Variants in TNKS observed in about 807,000 individuals in gnomAD.
TNKS encodes the protein poly [ADP-ribose] polymerase tankyrase-1.
TNKS carries 72 observed loss-of-function variants against 135.8 expected under a neutral mutation model. That is an observed-to-expected ratio of 0.53 (90% CI 0.44 to 0.64). TNKS has a LOEUF of 0.64. Ranked by LOEUF, TNKS falls within the 30% of genes least tolerant of loss-of-function variation. The pLI is 0.00. For synonymous variants in TNKS, 849 were observed against 649.3 expected (o/e 1.31, Z -4.68); for missense variants, 1,769 against 1,674.0 (o/e 1.06, Z -0.99).
At chr8:9,698,600 A>C (rs1803642740) in intron 5 of TNKS, among the ~76,000 whole-genome samples, 1 of 152,156 alleles carries the variant, frequency 6.6e-6, no homozygotes. Context: ...ACAAATACCT[A>C]GTAAAATTTC....
chr8:9,713,595 C>G (rs909972898), intron 11 of TNKS, among the ~76,000 whole-genome samples: 2 of 152,162 alleles, frequency 1.3e-5, no homozygotes, highest in African/African-American at 2.4e-5. Flanking sequence ...TCATCCTAGT[C>G]TTTCCACTGT....
chr8:9,734,997 C>A lies in TNKS; in HGVS notation c.2446C>A (p.Leu816Met), dbSNP rs1019181543. The change falls in exon 16 of 27, where the codon CTG becomes ATG. Residue 816 changes from leucine to methionine, a missense_variant. Leu to Met is a conservative substitution (Grantham distance 15, BLOSUM62 2). Coordinates refer to ENST00000310430, the MANE Select transcript of TNKS (RefSeq NM_003747.3). ...GTTGGATGCTGCCAAGAAGGGCTGCCTGGCAAGAGTGCAGAAGCTCTGTAC... is the reference window on the plus strand; with the variant it reads ...GTTGGATGCTGCCAAGAAGGGCTGCATGGCAAGAGTGCAGAAGCTCTGTAC... ...ALLDAAKKGCLARVQKLCTPE... is the reference protein window; with the variant it reads ...ALLDAAKKGCMARVQKLCTPE... 2.5e-6 allele frequency: 4 copies of A among 1,614,018 alleles called. No individual in the cohort carries two copies. In the African/African-American group the frequency reaches 4.0e-5, roughly 16 times the overall value.
chr8:9,776,586 T>G (rs1808235965), intron 26 of TNKS, 64 bp from the exon 27 acceptor site: 1 of 1,490,192 alleles, frequency 6.7e-7, no homozygotes, highest in South Asian at 1.1e-5. Flanking sequence ...GCTTCCACAT[T>G]CGGCAAGGCT....
chr8:9,726,588 T>G, intron 12 of TNKS, 53 bp from the exon 13 acceptor site: 1 of 1,309,658 alleles, frequency 7.6e-7, no homozygotes, highest in Admixed American at 2.2e-5. Flanking sequence ...TCAATGCAGT[T>G]GGAATATATG....
intron 3 of TNKS, among the ~76,000 whole-genome samples, chr8:9,665,608 T>A (rs558090453): frequency 6.6e-6 from 1 of 152,304 alleles, no homozygotes; most frequent in East Asian, 1.9e-4. Flanking sequence ...TGACCTGTTG[T>A]CTTAAGCATA....
At chr8:9,575,088 T>C in intron 1 of TNKS, 1 of 984,740 alleles carries the variant, frequency 1.0e-6, no homozygotes, top group Non-Finnish European at 1.2e-6. Flanking sequence ...CTCTCCATTA[T>C]CTTTTTATTT....
chr8:9,563,158 C>A lies in TNKS; in HGVS notation c.673+6546C>A, dbSNP rs538463368. The stretch of plus-strand genomic sequence containing the variant: ...TAAGTTCATTCGCCATGTTATGCAG[C>A]CATCACCATTGTCCATTTCCAGAAC... On this transcript the variant is annotated intron_variant, in intron 1 of 26. Coordinates refer to ENST00000310430, the MANE Select transcript of TNKS (RefSeq NM_003747.3). Among the ~76,000 whole-genome samples, 96 of 152,018 alleles carry A rather than the reference C, an allele frequency of 6.3e-4. 1 individual carries two copies. The highest frequency in any genetic ancestry group is 1.2e-3 in the Non-Finnish European group (80 of 67,994).
At chr8:9,675,909 G>T (rs1208442124) in intron 3 of TNKS, among the ~76,000 whole-genome samples, 1 of 152,030 alleles carries the variant, frequency 6.6e-6, no homozygotes, top group Non-Finnish European at 1.5e-5. Context: ...ACGGAGAAAG[G>T]GTGACTTTCA....
At chr8:9,760,595 A>G (rs1807099124) in intron 20 of TNKS, among the ~76,000 whole-genome samples, 1 of 152,166 alleles carries the variant, frequency 6.6e-6, no homozygotes, top group Non-Finnish European at 1.5e-5. Context: ...TAGTATATGG[A>G]TTGTCACAAA....
At chr8:9,668,486 C>G (rs1173058385) in intron 3 of TNKS, among the ~76,000 whole-genome samples, 1 of 152,176 alleles carries the variant, frequency 6.6e-6, no homozygotes, top group African/African-American at 2.4e-5. Flanking sequence ...GAAATATAAT[C>G]TTAGAACAGG....
chr8:9,748,478 C>T (rs1394571855), intron 18 of TNKS, among the ~76,000 whole-genome samples: 1 of 152,014 alleles, frequency 6.6e-6, no homozygotes, highest in Admixed American at 6.5e-5. Context: ...TAGAGTGTAC[C>T]CTCAAAGAAT....
intron 3 of TNKS, among the ~76,000 whole-genome samples, chr8:9,630,713 A>T (rs1800257930): frequency 6.6e-6 from 1 of 152,204 alleles, no homozygotes; most frequent in Non-Finnish European, 1.5e-5. Context: ...ATTACAGAGA[A>T]TCACTTGTTT....
rs936343410 is a variant in TNKS at position 9,633,269 on chromosome 8, G to A, written c.994+17592G>A. Among the ~76,000 whole-genome samples the A allele has an allele frequency of 3.9e-5, 6 of 152,238 alleles. No homozygotes were observed. In the South Asian group the frequency reaches 8.3e-4, roughly 21 times the overall value. ...GATTTTCAACAATAAAAATATATAA[G>A]TAATAGGTTATTCATTGTTTGTAAT... On this transcript the variant is annotated intron_variant, in intron 3 of 26. Coordinates refer to ENST00000310430, the MANE Select transcript of TNKS (RefSeq NM_003747.3).
intron 1 of TNKS, among the ~76,000 whole-genome samples, chr8:9,572,318 TTTG>T (rs1326230247): frequency 3.3e-5 from 5 of 152,262 alleles, no homozygotes; most frequent in Non-Finnish European, 1.5e-5. Flanking sequence ...TTTTAGCTGA[TTTG>T]TTTTCTTTCT....
At chr8:9,562,855 T>TC (rs1237985389) in intron 1 of TNKS, among the ~76,000 whole-genome samples, 1 of 152,048 alleles carries the variant, frequency 6.6e-6, no homozygotes, top group Non-Finnish European at 1.5e-5. Flanking sequence ...ATTTTTTTTT[T>TC]CTCTTCCATT....
intron 22 of TNKS, 123 bp from the exon 23 acceptor site, chr8:9,764,593 C>G: frequency 1.7e-6 from 1 of 576,186 alleles, no homozygotes; most frequent in South Asian, 3.7e-5. Flanking sequence ...TACTTATCCA[C>G]TAAACTTGTT....
chr8:9,735,549 C>T (rs1459140004), intron 17 of TNKS, 63 bp downstream of exon 17: 1 of 1,345,160 alleles, frequency 7.4e-7, no homozygotes, highest in African/African-American at 1.4e-5. Flanking sequence ...GCCTGTAATC[C>T]CAGCACTTTA....
chr8:9,727,526 G>A (rs1383501790), intron 13 of TNKS, among the ~76,000 whole-genome samples: 1 of 152,046 alleles, frequency 6.6e-6, no homozygotes, highest in Non-Finnish European at 1.5e-5. Flanking sequence ...GCCTTACCCT[G>A]CCTACTATCC....
At chr8:9,720,122 G>A (rs1007413067) in intron 11 of TNKS, among the ~76,000 whole-genome samples, 3 of 152,074 alleles carry the variant, frequency 2.0e-5, no homozygotes, top group South Asian at 4.1e-4. Context: ...AGCAGAAATG[G>A]GAAATGGTCA....
Sources: allele counts gnomAD v4.1 joint callset (sites outside exome capture counted in the v4.1 genomes callset), GRCh38; gene constraint gnomAD v4.1.1; transcripts MANE v1.5; gene names NCBI Gene and HGNC (gene_info 2026-07-23, HGNC 2026-07-21).